Variants in NWD1 observed in about 807,000 individuals in gnomAD.
NWD1 encodes NACHT domain- and WD repeat-containing protein 1.
NWD1 carries 129 observed loss-of-function variants against 135.1 expected under a neutral mutation model. That is an observed-to-expected ratio of 0.96 (90% CI 0.83 to 1.11). The LOEUF is 1.11. NWD1 is among the 50% of genes least tolerant of loss of function. The probability of loss-of-function intolerance (pLI) is 0.00; values close to 1 mark genes in which losing one functional copy is unlikely to be tolerated. For missense variants in NWD1, 1,740 were observed against 1,851.3 expected (o/e 0.94, Z 1.10); for synonymous variants, 773 against 786.0 (o/e 0.98, Z 0.28).
rs1968216047 is a variant in NWD1 at position 16,744,452 on chromosome 19, T to A, written c.230T>A (p.Leu77Gln). The A allele has an allele frequency of 2.0e-6, 3 of 1,535,644 alleles. No homozygotes were observed. Among genetic ancestry groups the A allele is most frequent in the Non-Finnish European group, 1.7e-6 (2 of 1,146,628 alleles). Residue 77 changes from leucine to glutamine, a missense_variant, in exon 5 of 19, where the codon CTG becomes CAG. By Grantham distance (113) the Leu-to-Gln change is moderately radical. Transcript: ENST00000524140. ...ATCGGTGATCAGTACGGCCCCTGTC[T>A]GATTCCCTCGCGGATCGATGAGAAG... ...ALIGDQYGPC[L>Q]IPSRIDEKEW... is the part of the protein sequence containing the mutation.
Position 16,815,150 on chromosome 19 carries a change from G to T in NWD1, c.*111G>T. On this transcript the variant is annotated 3_prime_UTR_variant, in exon 19 of 19. Transcript: ENST00000524140. Reference sequence around the variant, plus strand: ...CCGAGAGAATTTCCAGTGCCTTTCAGCAAAAGCCTCACCGCAGGACCCTCT... The same window carrying T: ...CCGAGAGAATTTCCAGTGCCTTTCATCAAAAGCCTCACCGCAGGACCCTCT... The T allele has an allele frequency of 8.8e-7, 1 of 1,133,846 alleles. No individual in the cohort carries two copies. Among genetic ancestry groups the T allele is most frequent in the Non-Finnish European group, 1.3e-6 (1 of 740,950 alleles). The allele number at this position is 1,133,846 out of a possible 1,614,324, so 70.2% of individuals were successfully genotyped here.
chr19:16,775,631 C>CTT (rs1269128684), intron 11 of NWD1, among the ~76,000 whole-genome samples: 1 of 152,156 alleles, frequency 6.6e-6, no homozygotes, highest in Non-Finnish European at 1.5e-5. Context: ...ATATCTCCAA[C>CTT]TGTAAGGAAG....
intron 5 of NWD1, 106 bp from the exon 6 acceptor site, chr19:16,749,033 G>T: frequency 1.2e-6 from 1 of 833,616 alleles, no homozygotes; most frequent in Admixed American, 2.7e-5. Context: ...TTAATCTTGA[G>T]AACCAATGCA....
At chr19:16,723,108 A>G (rs1239754172) in intron 1 of NWD1, among the ~76,000 whole-genome samples, 1 of 152,022 alleles carries the variant, frequency 6.6e-6, no homozygotes, top group African/African-American at 2.4e-5. Context: ...GTGGTGGCTC[A>G]CTGCAGCCTC....
rs761986164 is a variant in NWD1, at chr19:16,815,315, T to C, written c.*276T>C. 2 of 767,944 alleles carry C rather than the reference T, an allele frequency of 2.6e-6. No homozygotes were observed. The highest frequency in any genetic ancestry group is 4.9e-5 in the East Asian group (2 of 41,176). 47.6% of individuals were successfully genotyped at this position (767,944 alleles called of 1,614,324 possible). A position where few individuals can be genotyped will look rare whatever the true frequency, so the allele number is the denominator to read the frequency against. On this transcript the variant is annotated 3_prime_UTR_variant, in exon 19 of 19. Transcript: ENST00000524140. ...CAAATCAAACAAATGCTCACAAGTG[T>C]GCCTGATAGTGTAAAAAAATAAAAA... is the stretch of plus-strand genomic sequence containing the variant.
rs1568352017 is a variant in NWD1 at position 16,750,398 on chromosome 19, ATTGT to A, written c.1757_1760del (p.Ile586SerfsTer12). On this transcript the variant is annotated frameshift_variant, in exon 6 of 19. Transcript: ENST00000524140. LOFTEE classifies it high-confidence loss of function. ...CCTCGTGGCCCACGTGCTGGGCTAC[ATTGT>A]GTCTTCCCGGTAAGTCTCTGTGTTT... 1 of 1,565,304 alleles carries A rather than the reference ATTGT, an allele frequency of 6.4e-7. No homozygotes were observed. The highest frequency in any genetic ancestry group is 2.0e-5 in the Admixed American group (1 of 49,510).
intron 5 of NWD1, among the ~76,000 whole-genome samples, chr19:16,746,678 A>C (rs1335581143): frequency 2.6e-5 from 3 of 116,990 alleles, no homozygotes; most frequent in African/African-American, 1.2e-4. Flanking sequence ...TCTAAAAACA[A>C]AAAACAAAAA....
chr19:16,781,257 A>T (rs1969843948), intron 12 of NWD1, among the ~76,000 whole-genome samples: 1 of 152,128 alleles, frequency 6.6e-6, no homozygotes, highest in Non-Finnish European at 1.5e-5. Flanking sequence ...GGGAGAGATG[A>T]TTCCCACAGT....
rs796971315 is a variant in NWD1 at position 16,767,828 on chromosome 19, A to G, written c.2410+2636A>G. 6.6e-5 allele frequency among the ~76,000 whole-genome samples: 10 copies of G among 151,876 alleles called. 1 individual carries two copies. Among genetic ancestry groups the G allele is most frequent in the African/African-American group, 2.4e-4 (10 of 41,438 alleles). ...CCCTTCACCCCAGTCCCTGGCAACCACCATGCTATTTTCTGTCTCTATAAA... is the reference window on the plus strand; with the variant it reads ...CCCTTCACCCCAGTCCCTGGCAACCGCCATGCTATTTTCTGTCTCTATAAA... On this transcript the variant is annotated intron_variant, in intron 10 of 18. Coordinates refer to ENST00000524140, the MANE Select transcript of NWD1 (RefSeq NM_001007525.5).
At chr19:16,813,077 A>T (rs1435597120) in intron 18 of NWD1, among the ~76,000 whole-genome samples, 1 of 152,204 alleles carries the variant, frequency 6.6e-6, no homozygotes, top group African/African-American at 2.4e-5. Flanking sequence ...GGGCATGCAC[A>T]GGCTTCCTGC....
intron 12 of NWD1, among the ~76,000 whole-genome samples, chr19:16,782,628 A>G (rs1168015067): frequency 6.6e-6 from 1 of 152,176 alleles, no homozygotes; most frequent in Non-Finnish European, 1.5e-5. Context: ...CAATCTTTTG[A>G]AAAATCAAAA....
chr19:16,720,562 C>CT (rs963112481), intron 1 of NWD1, among the ~76,000 whole-genome samples: 34 of 149,252 alleles, frequency 2.3e-4, no homozygotes, highest in South Asian at 1.5e-3. Flanking sequence ...TCTAGGGAGA[C>CT]TTTTTTTTTT....
At chr19:16,810,033 G>A (rs1970875621) in intron 18 of NWD1, among the ~76,000 whole-genome samples, 1 of 152,126 alleles carries the variant, frequency 6.6e-6, no homozygotes, top group African/African-American at 2.4e-5. Context: ...CTCTGTCTGG[G>A]CAAAAGGATT....
intron 15 of NWD1, among the ~76,000 whole-genome samples, chr19:16,797,471 C>G (rs1970454359): frequency 6.6e-6 from 1 of 151,710 alleles, no homozygotes; most frequent in Non-Finnish European, 1.5e-5. Flanking sequence ...GCTGGGATTA[C>G]ATGCATGTGC....
chr19:16,795,023 T>C (rs1438987005), intron 15 of NWD1, among the ~76,000 whole-genome samples: 1 of 152,132 alleles, frequency 6.6e-6, no homozygotes, highest in Non-Finnish European at 1.5e-5. Flanking sequence ...CTCAGGTGAT[T>C]CGCCCACCTT....
Position 16,731,177 on chromosome 19 carries a change from T to C in NWD1, c.-6-15T>C. The C allele has an allele frequency of 7.0e-7, 1 of 1,434,366 alleles. No individual in the cohort carries two copies. The highest frequency in any genetic ancestry group is 9.5e-7 in the Non-Finnish European group (1 of 1,054,572). The allele number at this position is 1,434,366 out of a possible 1,614,324, so 88.9% of individuals were successfully genotyped here. A position where few individuals can be genotyped will look rare whatever the true frequency, so the allele number is the denominator to read the frequency against. On this transcript the variant is annotated splice_polypyrimidine_tract_variant and intron_variant, in intron 2 of 18. Coordinates refer to ENST00000524140, the MANE Select transcript of NWD1 (RefSeq NM_001007525.5). ...GAGTCCTTTCCACTAATACCCTCCATGCCCTTCCTTGCAGATATGGATGCA... is the reference window on the plus strand; with the variant it reads ...GAGTCCTTTCCACTAATACCCTCCACGCCCTTCCTTGCAGATATGGATGCA...
intron 16 of NWD1, among the ~76,000 whole-genome samples, chr19:16,798,337 C>T (rs1382172883): frequency 6.6e-6 from 1 of 152,102 alleles, no homozygotes; most frequent in Non-Finnish European, 1.5e-5. Flanking sequence ...AGACTGTGCA[C>T]AGTGGCTCAT....
Position 16,749,725 on chromosome 19 carries a change from G to C in NWD1, c.1083G>C (p.Leu361=), listed in dbSNP as rs759622167. 6.2e-7 allele frequency: 1 copy of C among 1,605,912 alleles called. No homozygotes were observed. The highest frequency in any genetic ancestry group is 8.5e-7 in the Non-Finnish European group (1 of 1,175,410). The change falls in exon 6 of 19, where the codon CTG becomes CTC. Residue 361 remains leucine, a synonymous_variant. Transcript: ENST00000524140. The part of the protein sequence containing the change: ...MCKLAEQMPR[L]LGHKTVTVLR... ...AGCTGGCTGAGCAGATGCCAAGGCT[G>C]CTGGGGCACAAGACAGTGACCGTCC...
intron 16 of NWD1, 111 bp downstream of exon 16, chr19:16,797,997 C>T (rs1970477868): frequency 1.0e-6 from 1 of 985,530 alleles, no homozygotes. Context: ...TGAGTGCAGG[C>T]AAAATAGGTG....
Sources: allele counts gnomAD v4.1 joint callset (sites outside exome capture counted in the v4.1 genomes callset), GRCh38; gene constraint gnomAD v4.1.1; transcripts MANE v1.5; gene names NCBI Gene and HGNC (gene_info 2026-07-23, HGNC 2026-07-21).